TRPC5: variants seen among roughly 807,000 people sequenced by gnomAD.
TRPC5 encodes transient receptor potential cation channel subfamily C member 5, also known as short transient receptor potential channel 5.
A neutral mutation model predicts 56.5 loss-of-function variants in TRPC5; 9 were observed. That is an observed-to-expected ratio of 0.16 (90% confidence interval 0.10 to 0.28). The LOEUF (loss-of-function observed/expected upper bound fraction) is 0.28, where lower values mean the gene tolerates loss of function less well. Ranked by LOEUF, TRPC5 falls within the 10% of genes least tolerant of loss-of-function variation. TRPC5 has a pLI of 1.00. For missense variants in TRPC5, 469 were observed against 748.9 expected (o/e 0.63, Z 4.36); for synonymous variants, 282 against 278.5 (o/e 1.01, Z -0.13).
intron 1 of TRPC5, among the ~76,000 whole-genome samples, chrX:112,036,403 T>C (rs1929742685): frequency 9.0e-6 from 1 of 111,700 alleles, no homozygotes; most frequent in African/African-American, 3.3e-5. Context: ...GGGGAGCCCA[T>C]ACATAGATTA....
In TRPC5 at chrX:111,835,086, C is replaced by G; in HGVS notation, c.1731G>C (p.Trp577Cys). ...TLFETLQSLF[W>C]SVFGLLNLYV... is the part of the protein sequence containing the mutation. ...ATAGATTTAAAAGGCCAAATACAGA[C>G]CAGAAGAGTGACTGAAGAGTCTCAA... is the stretch of plus-strand genomic sequence containing the variant. Residue 577 changes from tryptophan (W) to cysteine (C), a missense_variant, in exon 7 of 11, where the codon TGG (tryptophan) becomes TGC (cysteine). Coordinates refer to ENST00000262839, the MANE Select transcript of TRPC5 (RefSeq NM_012471.3). 1 of 1,208,535 alleles carries G rather than the reference C, an allele frequency of 8.3e-7. No individual in the cohort carries two copies. Among genetic ancestry groups the G allele is most frequent in the Non-Finnish European group, 1.1e-6 (1 of 894,217 alleles).
At chrX:111,836,190 T>C (rs1378610699) in intron 6 of TRPC5, among the ~76,000 whole-genome samples, 1 of 111,813 alleles carries the variant, frequency 8.9e-6, no homozygotes, top group Admixed American at 9.5e-5. Context: ...TGCAATGATA[T>C]CCTTTTGGTG....
rs1177025752 is a variant in TRPC5 at position 111,769,765 on chromosome X, T to C, written c.*6548A>G. On this transcript the variant is annotated 3_prime_UTR_variant, in exon 11 of 11. Transcript: ENST00000262839. The stretch of plus-strand genomic sequence containing the variant: ...ATTGTGTAGTAGCACTTGAAAATGT[T>C]TTTTGTTTGTTCGTTTGTTTGTTTT... 8.9e-6 allele frequency among the ~76,000 whole-genome samples: 1 copy of C among 111,958 alleles called. No homozygotes were observed.
intron 7 of TRPC5, among the ~76,000 whole-genome samples, chrX:111,806,198 C>T (rs1921506538): frequency 9.0e-6 from 1 of 111,283 alleles, no homozygotes; most frequent in African/African-American, 3.3e-5. Flanking sequence ...TTAGTAAAGC[C>T]TTTTTGGTTT....
intron 7 of TRPC5, among the ~76,000 whole-genome samples, chrX:111,801,598 G>A (rs937722030): frequency 3.6e-5 from 4 of 111,996 alleles, no homozygotes; most frequent in African/African-American, 9.7e-5. Flanking sequence ...GTGTGAACTG[G>A]TGGTATCTCA....
chrX:111,989,201 A>T (rs113070514), intron 1 of TRPC5, among the ~76,000 whole-genome samples: 1 of 111,746 alleles, frequency 8.9e-6, no homozygotes, highest in African/African-American at 3.3e-5. Flanking sequence ...TTTAATTCTC[A>T]GGGAATTTAC....
intron 1 of TRPC5, among the ~76,000 whole-genome samples, chrX:112,012,052 A>G (rs1243454451): frequency 8.9e-6 from 1 of 112,358 alleles, no homozygotes; most frequent in East Asian, 2.8e-4. Context: ...GTATTTTCAG[A>G]CTTCCATTAA....
chrX:112,067,212 T>C (rs900644929), intron 1 of TRPC5, among the ~76,000 whole-genome samples: 1 of 111,913 alleles, frequency 8.9e-6, no homozygotes, highest in African/African-American at 3.3e-5. Context: ...CCCTGGAACT[T>C]GTAGGTAGAT....
chrX:111,929,355 G>A (rs930216044), intron 2 of TRPC5, among the ~76,000 whole-genome samples: 1 of 112,357 alleles, frequency 8.9e-6, no homozygotes, highest in Non-Finnish European at 1.9e-5. Context: ...CTTTCATACC[G>A]TGCCAAGGTT....
chrX:111,799,584 G>A (rs1338149054), intron 7 of TRPC5, among the ~76,000 whole-genome samples: 1 of 111,205 alleles, frequency 9.0e-6, no homozygotes, highest in African/African-American at 3.3e-5. Context: ...AAAGAACACT[G>A]AAAGTCTGGA....
chrX:111,771,947 C>T lies in TRPC5; in HGVS notation c.*4366G>A, dbSNP rs772370437. On this transcript the variant is annotated 3_prime_UTR_variant, in exon 11 of 11. Coordinates refer to ENST00000262839, the MANE Select transcript of TRPC5 (RefSeq NM_012471.3). ...CTCTTCAAAATGATCTAGTAATTAC[C>T]TAAAGGGATAAAGGGCCAAGGGCAG... Among the ~76,000 whole-genome samples, 2 of 110,498 alleles carry T rather than the reference C, an allele frequency of 1.8e-5. No homozygotes were observed. The highest frequency in any genetic ancestry group is 5.7e-4 in the East Asian group (2 of 3,491).
chrX:112,071,053 T>C (rs1569530645), intron 1 of TRPC5, among the ~76,000 whole-genome samples: 1 of 111,079 alleles, frequency 9.0e-6, no homozygotes, highest in Admixed American at 9.7e-5. Flanking sequence ...CCAGGGTGGG[T>C]GGATCACTTG....
intron 2 of TRPC5, among the ~76,000 whole-genome samples, chrX:111,939,431 C>G (rs767445624): frequency 1.2e-4 from 13 of 111,282 alleles, no homozygotes; most frequent in Non-Finnish European, 2.3e-4. Flanking sequence ...TAGAAATATT[C>G]TCTCCTCCAT....
rs751210854 is a variant in TRPC5, at chrX:112,077,072, C to T, written c.-22+4807G>A. Among the ~76,000 whole-genome samples the T allele has an allele frequency of 5.4e-5, 6 of 111,191 alleles. No individual in the cohort carries two copies. In the East Asian group the frequency reaches 1.7e-3, roughly 31 times the overall value. ...CATTATACGGTCTTATTTAATTTTT[C>T]ATGACAGCCCAGTGCCAGTTGGTAC... On this transcript the variant is annotated intron_variant, in intron 1 of 10. Transcript: ENST00000262839.
intron 1 of TRPC5, among the ~76,000 whole-genome samples, chrX:111,976,924 ATTAAC>A (rs1927945336): frequency 9.0e-6 from 1 of 111,630 alleles, no homozygotes; most frequent in Non-Finnish European, 1.9e-5. Context: ...ATACTTAGGA[ATTAAC>A]TTAACCAAAG....
chrX:111,953,121 A>G (rs1426715959), intron 1 of TRPC5, among the ~76,000 whole-genome samples: 2 of 111,772 alleles, frequency 1.8e-5, no homozygotes, highest in African/African-American at 3.3e-5. Flanking sequence ...CTGCTGCTCA[A>G]TGGGGAAAGG....
chrX:111,946,654 C>T (rs184962511), intron 2 of TRPC5, among the ~76,000 whole-genome samples: 62 of 112,269 alleles, frequency 5.5e-4, no homozygotes, highest in African/African-American at 1.9e-3. Context: ...ATGTGCTTTT[C>T]TGGAAAATTC....
At chrX:111,905,650 C>T (rs1322319942) in intron 3 of TRPC5, among the ~76,000 whole-genome samples, 3 of 111,737 alleles carry the variant, frequency 2.7e-5, no homozygotes, top group Non-Finnish European at 5.6e-5. Context: ...CGCGGTGGCT[C>T]ACGCCTGTAA....
At chrX:112,013,577 G>C (rs780476100) in intron 1 of TRPC5, among the ~76,000 whole-genome samples, 2 of 111,859 alleles carry the variant, frequency 1.8e-5, no homozygotes, top group South Asian at 7.5e-4. Flanking sequence ...CTCAAGATCA[G>C]AGAGCTAGTT....
Sources: gnomAD v4.1 joint callset for allele counts (sites outside exome capture counted in the v4.1 genomes callset) on GRCh38, gnomAD v4.1.1 for gene constraint, MANE v1.5 for transcripts, NCBI Gene and HGNC (gene_info 2026-07-23, HGNC 2026-07-21) for gene names.